Variants in FRYL observed in about 807,000 individuals in gnomAD.
The protein encoded by FRYL is protein furry homolog-like.
In FRYL, 150 loss-of-function variants were observed where a neutral mutation model predicts 351.2. The ratio of observed to expected loss-of-function variants is 0.43; its 90% confidence interval spans 0.37 to 0.49. The LOEUF (loss-of-function observed/expected upper bound fraction) is 0.49, where lower values mean the gene tolerates loss of function less well. FRYL is among the 20% of genes least tolerant of loss of function. The pLI is 0.00. For synonymous variants in FRYL, 1,153 were observed against 1,257.1 expected, an observed-to-expected ratio of 0.92 and a Z score of 1.75; for missense variants, 3,036 against 3,619.3, an observed-to-expected ratio of 0.84 and a Z score of 4.13.
At chr4:48,752,735 C>T (rs541187568) in intron 1 of FRYL, among the ~76,000 whole-genome samples, 3 of 152,186 alleles carry the variant, frequency 2.0e-5, no homozygotes, top group African/African-American at 7.2e-5. Flanking sequence ...GAAAGCTAGA[C>T]AAGAGTTCAC....
At chr4:48,681,078 C>T (rs1477333024) in intron 3 of FRYL, 2 of 1,273,650 alleles carry the variant, frequency 1.6e-6, no homozygotes, top group Admixed American at 2.4e-5. Flanking sequence ...TATCCAAAAC[C>T]ACATCTCCCG....
At chr4:48,641,221 A>G (rs1279623389) in intron 3 of FRYL, among the ~76,000 whole-genome samples, 1 of 152,078 alleles carries the variant, frequency 6.6e-6, no homozygotes, top group Admixed American at 6.6e-5. Flanking sequence ...GTGTGTTGAG[A>G]GGTATAATCA....
At chr4:48,723,518 T>C (rs757960815) in intron 1 of FRYL, among the ~76,000 whole-genome samples, 1 of 152,154 alleles carries the variant, frequency 6.6e-6, no homozygotes, top group Non-Finnish European at 1.5e-5. Flanking sequence ...AATAATACCA[T>C]CCTTATTTTA....
At chr4:48,605,246 A>G (rs1560699718) in intron 11 of FRYL, among the ~76,000 whole-genome samples, 1 of 152,232 alleles carries the variant, frequency 6.6e-6, no homozygotes, top group Non-Finnish European at 1.5e-5. Flanking sequence ...ACTCTCATTA[A>G]TATTTCAAAT....
At chr4:48,548,287 A>G (rs1252854183) in intron 40 of FRYL, among the ~76,000 whole-genome samples, 1 of 152,206 alleles carries the variant, frequency 6.6e-6, no homozygotes, top group Non-Finnish European at 1.5e-5. Context: ...AGTTTCAGGT[A>G]TAATAATGAG....
In FRYL at chr4:48,523,048, A is replaced by G. The variant is rs776457526; in HGVS notation, c.7374T>C (p.Ile2458=). 5.0e-6 allele frequency: 8 copies of G among 1,613,792 alleles called. No homozygotes were observed. In the Admixed American group the frequency reaches 1.2e-4, roughly 24 times the overall value. The change falls in exon 54 of 64, where the codon ATT becomes ATC. Residue 2458 remains isoleucine, a synonymous_variant. Transcript: ENST00000358350. ...GGAGGGATGGAGTGTCCCCTTTGTCAATACTGTCCAGTGAGCGCCTGCGAA... is the reference window on the plus strand; with the variant it reads ...GGAGGGATGGAGTGTCCCCTTTGTCGATACTGTCCAGTGAGCGCCTGCGAA... ...WGVRRRSLDS[I]DKGDTPSLQE... is the part of the protein sequence containing the mutation.
At chr4:48,615,699 T>G (rs1490679884) in intron 7 of FRYL, among the ~76,000 whole-genome samples, 1 of 152,218 alleles carries the variant, frequency 6.6e-6, no homozygotes, top group Non-Finnish European at 1.5e-5. Flanking sequence ...ACTACTTAAT[T>G]TCATCATATT....
chr4:48,656,379 T>TATATA, intron 3 of FRYL, among the ~76,000 whole-genome samples: 1 of 119,958 alleles, frequency 8.3e-6, no homozygotes, highest in Non-Finnish European at 1.7e-5. Context: ...ATATACTAAA[T>TATATA]ATATAATATA....
At chr4:48,739,779 A>G (rs1771847427) in intron 1 of FRYL, among the ~76,000 whole-genome samples, 1 of 152,216 alleles carries the variant, frequency 6.6e-6, no homozygotes, top group African/African-American at 2.4e-5. Flanking sequence ...GGTAGTATTG[A>G]GACACAGGGC....
intron 25 of FRYL, 90 bp downstream of exon 25, chr4:48,575,027 C>T (rs1264320097): frequency 3.6e-5 from 47 of 1,288,792 alleles, no homozygotes; most frequent in Non-Finnish European, 4.9e-5. Flanking sequence ...CTCTGCTTGA[C>T]CCTACCACAC....
chr4:48,650,414 A>G (rs796526628), intron 3 of FRYL, among the ~76,000 whole-genome samples: 10 of 152,332 alleles, frequency 6.6e-5, no homozygotes, highest in African/African-American at 2.4e-4. Flanking sequence ...CTCAAGTAGC[A>G]GAGAAAGACA....
intron 3 of FRYL, among the ~76,000 whole-genome samples, chr4:48,679,010 C>T (rs984420836): frequency 9.2e-5 from 14 of 152,048 alleles, no homozygotes; most frequent in African/African-American, 2.9e-4. Context: ...TACCATATTA[C>T]ATTTAAATAC....
intron 33 of FRYL, among the ~76,000 whole-genome samples, chr4:48,557,967 T>G (rs182772739): frequency 1.3e-5 from 2 of 152,328 alleles, no homozygotes; most frequent in African/African-American, 4.8e-5. Flanking sequence ...TTGGTGGCAT[T>G]GTAAAATGGT....
intron 1 of FRYL, among the ~76,000 whole-genome samples, chr4:48,744,471 G>A (rs1255881417): frequency 6.6e-6 from 1 of 152,194 alleles, no homozygotes; most frequent in Non-Finnish European, 1.5e-5. Flanking sequence ...AAGTCACTGA[G>A]TTACACAGGG....
At chr4:48,571,393 T>C (rs1218302979) in intron 26 of FRYL, among the ~76,000 whole-genome samples, 1 of 152,222 alleles carries the variant, frequency 6.6e-6, no homozygotes, top group Non-Finnish European at 1.5e-5. Context: ...CTTTACTCAT[T>C]ATGATATGAA....
chr4:48,503,488 G>T (rs1720186541), intron 60 of FRYL, among the ~76,000 whole-genome samples: 1 of 152,124 alleles, frequency 6.6e-6, no homozygotes, highest in Non-Finnish European at 1.5e-5. Flanking sequence ...ACCCGACTAG[G>T]TTTGAATCAA....
chr4:48,757,646 G>A (rs1175148209), intron 1 of FRYL, among the ~76,000 whole-genome samples: 8 of 152,134 alleles, frequency 5.3e-5, no homozygotes, highest in African/African-American at 1.2e-4. Flanking sequence ...AATCAATATC[G>A]TGAAAATGGC....
At chr4:48,670,623 G>T (rs1762504509) in intron 3 of FRYL, among the ~76,000 whole-genome samples, 1 of 151,682 alleles carries the variant, frequency 6.6e-6, no homozygotes, top group Non-Finnish European at 1.5e-5. Context: ...CCAGCCTCTG[G>T]TAACCATCCT....
intron 1 of FRYL, among the ~76,000 whole-genome samples, chr4:48,777,732 G>C (rs1406358048): frequency 6.6e-6 from 1 of 152,168 alleles, no homozygotes. Context: ...AGTAAACAAA[G>C]ACAGACATTT....
Sources: gnomAD v4.1 joint callset for allele counts (sites outside exome capture counted in the v4.1 genomes callset) on GRCh38, gnomAD v4.1.1 for gene constraint, MANE v1.5 for transcripts, NCBI Gene and HGNC (gene_info 2026-07-23, HGNC 2026-07-21) for gene names.